Variants in TEX11 observed in about 807,000 individuals in gnomAD.
TEX11 encodes testis-expressed protein 11.
TEX11 carries 7 observed loss-of-function variants against 84.4 expected under a neutral mutation model. That is an observed-to-expected ratio of 0.08 (90% CI 0.05 to 0.16). The LOEUF is 0.16. Among genes scored for constraint, TEX11 ranks in the 10% least tolerant of loss-of-function variants. TEX11 has a pLI of 1.00. For missense variants in TEX11, 551 were observed against 660.5 expected (o/e 0.83, Z 1.82); for synonymous variants, 264 against 222.8 (o/e 1.18, Z -1.64).
intron 8 of TEX11, among the ~76,000 whole-genome samples, chrX:70,816,715 C>CAA (rs61114889): frequency 2.5e-5 from 2 of 80,702 alleles, no homozygotes; most frequent in African/African-American, 4.7e-5. Context: ...GACTCTGTCT[C>CAA]AAAAAAAAAA....
intron 28 of TEX11, among the ~76,000 whole-genome samples, chrX:70,530,828 C>T (rs1364482321): frequency 1.8e-5 from 2 of 111,615 alleles, no homozygotes; most frequent in Non-Finnish European, 3.8e-5. Flanking sequence ...AAACTTTTAT[C>T]CTAAAGGTTG....
At chrX:70,750,927 AAAAAAAATATAT>A (rs1277717899) in intron 9 of TEX11, among the ~76,000 whole-genome samples, 4 of 25,799 alleles carry the variant, frequency 1.6e-4, no homozygotes, top group Admixed American at 4.7e-4. Flanking sequence ...ATAATAAAAA[AAAAAAAATATAT>A]ATATATATAT....
chrX:70,786,278 T>A (rs756086684), intron 9 of TEX11, among the ~76,000 whole-genome samples: 7 of 110,533 alleles, frequency 6.3e-5, no homozygotes, highest in Admixed American at 1.9e-4. Context: ...ATGAGAACAC[T>A]TGGACACAGG....
At chrX:70,575,439 G>A (rs2088660685) in intron 25 of TEX11, among the ~76,000 whole-genome samples, 1 of 111,657 alleles carries the variant, frequency 9.0e-6, no homozygotes, top group South Asian at 3.8e-4. Flanking sequence ...CATGAACAGG[G>A]TTACAGATAG....
At position 70,612,920 on chromosome X, in the gene TEX11, G is replaced by GA. The variant is rs34895426; in HGVS notation, c.1752-2378dup. Among the ~76,000 whole-genome samples the GA allele has an allele frequency of 6.6e-3, 735 of 110,670 alleles. 23 individuals carry two copies. The East Asian group carries it at 0.11, about 17-fold the overall frequency. On this transcript the variant is annotated intron_variant, in intron 20 of 29. Coordinates refer to ENST00000374333, the MANE Select transcript of TEX11 (RefSeq NM_031276.3). ...AAATAAAATATACAGACAAAATTCT[G>GA]AAAAAAAGCCTGAGGAAAAAATACC...
intron 13 of TEX11, among the ~76,000 whole-genome samples, chrX:70,695,886 C>A (rs1299351198): frequency 9.0e-6 from 1 of 111,675 alleles, no homozygotes; most frequent in Non-Finnish European, 1.9e-5. Flanking sequence ...CCAAATATAG[C>A]AAATTGTGAG....
chrX:70,671,910 T>TATATATATATATATAG (rs57166359), intron 15 of TEX11, among the ~76,000 whole-genome samples: 1,306 of 67,762 alleles, frequency 0.019, 45 homozygotes, highest in Admixed American at 0.075. Flanking sequence ...TATATATATA[T>TATATATATATATATAG]ACACACACAC....
chrX:70,644,158 A>T (rs1239918264), intron 17 of TEX11, among the ~76,000 whole-genome samples: 1 of 100,729 alleles, frequency 9.9e-6, no homozygotes, highest in African/African-American at 3.6e-5. Context: ...GCAGCCAAAA[A>T]ACACATGAAA....
At chrX:70,563,690 G>A (rs909258538) in intron 25 of TEX11, among the ~76,000 whole-genome samples, 1 of 112,495 alleles carries the variant, frequency 8.9e-6, no homozygotes, top group African/African-American at 3.2e-5. Flanking sequence ...GATTGAGGAA[G>A]TGACTTTCTA....
intron 25 of TEX11, among the ~76,000 whole-genome samples, chrX:70,561,683 G>A (rs1292288987): frequency 9.0e-6 from 1 of 110,604 alleles, no homozygotes; most frequent in African/African-American, 3.3e-5. Flanking sequence ...ACCGTGCCCA[G>A]CCCAAATTTA....
At chrX:70,710,075 CTTGTCACTGGAA>C (rs1440278651) in intron 13 of TEX11, among the ~76,000 whole-genome samples, 15 of 110,629 alleles carry the variant, frequency 1.4e-4, no homozygotes, top group African/African-American at 4.6e-4. Context: ...ATTTAGTATT[CTTGTCACTGGAA>C]TAAACAGTAA....
chrX:70,871,180 T>A (rs1416088627), intron 4 of TEX11, among the ~76,000 whole-genome samples: 1 of 112,913 alleles, frequency 8.9e-6, no homozygotes, highest in Admixed American at 9.4e-5. Context: ...CCCAAAGTGC[T>A]GGGATTATAG....
intron 28 of TEX11, among the ~76,000 whole-genome samples, chrX:70,534,882 T>C (rs1206375719): frequency 8.9e-6 from 1 of 111,957 alleles, no homozygotes; most frequent in Non-Finnish European, 1.9e-5. Flanking sequence ...AATTATGGAA[T>C]ATTTTCATTC....
At chrX:70,594,279 G>T (rs2088974692) in intron 24 of TEX11, among the ~76,000 whole-genome samples, 1 of 111,256 alleles carries the variant, frequency 9.0e-6, no homozygotes, top group Admixed American at 9.6e-5. Flanking sequence ...CTATTATTCA[G>T]AGAAGGTGAA....
chrX:70,552,113 C>T lies in TEX11; in HGVS notation c.2520+13G>A. ...AAAATTAACTGAAAGTTTAATATCACTATTTGACTTACAGTGCGGCTAATG... is the reference window on the plus strand; with the variant it reads ...AAAATTAACTGAAAGTTTAATATCATTATTTGACTTACAGTGCGGCTAATG... On this transcript the variant is annotated intron_variant, in intron 28 of 29. Coordinates refer to ENST00000374333, the MANE Select transcript of TEX11 (RefSeq NM_031276.3). 1 of 1,205,379 alleles carries T rather than the reference C, an allele frequency of 8.3e-7. No homozygotes were observed. The highest frequency in any genetic ancestry group is 2.2e-5 in the Admixed American group (1 of 44,687).
intron 20 of TEX11, among the ~76,000 whole-genome samples, chrX:70,622,104 A>G (rs1038604525): frequency 8.9e-6 from 1 of 112,174 alleles, no homozygotes; most frequent in Admixed American, 9.4e-5. Flanking sequence ...CAGTTTTTAA[A>G]ATTTTACAGA....
At chrX:70,878,619 A>T (rs750290368) in intron 3 of TEX11, among the ~76,000 whole-genome samples, 3 of 110,222 alleles carry the variant, frequency 2.7e-5, no homozygotes, top group African/African-American at 6.6e-5. Context: ...CTTAAAATTT[A>T]AAAAAAGTAA....
rs1164818066 is a variant in TEX11, at chrX:70,588,944, A to AG, written c.2140+2806_2140+2807insC. On this transcript the variant is annotated intron_variant, in intron 25 of 29. Transcript: ENST00000374333. ...CAAAACCCCAACTCAAAAAAAAAAA[A>AG]AAAGAAAGAAATATCTAGAATAGGC... is the stretch of plus-strand genomic sequence containing the variant. Among the ~76,000 whole-genome samples, 288 of 109,767 alleles carry AG rather than the reference A, an allele frequency of 2.6e-3. 2 individuals carry two copies. Among genetic ancestry groups the AG allele is most frequent in the African/African-American group, 8.9e-3 (268 of 30,229 alleles).
chrX:70,790,606 C>A lies in TEX11; in HGVS notation c.692+16099G>T, dbSNP rs181929483. 2.4e-3 allele frequency among the ~76,000 whole-genome samples: 266 copies of A among 112,326 alleles called. 3 individuals are homozygous for A. The highest frequency in any genetic ancestry group is 7.9e-3 in the African/African-American group (245 of 30,985). On this transcript the variant is annotated intron_variant, in intron 9 of 29. Coordinates refer to ENST00000374333, the MANE Select transcript of TEX11 (RefSeq NM_031276.3). The stretch of plus-strand genomic sequence containing the variant: ...CTGCAGTAAAACACGACCCTGATGA[C>A]TGCTGGGCCAAGAGAGAGGATAGAG...
Sources: allele counts gnomAD v4.1 joint callset (sites outside exome capture counted in the v4.1 genomes callset), GRCh38; gene constraint gnomAD v4.1.1; transcripts MANE v1.5; gene names NCBI Gene and HGNC (gene_info 2026-07-23, HGNC 2026-07-21).